The following CBLN2 variants were observed in gnomAD, a reference collection of about 807,000 sequenced individuals.
CBLN2 encodes the protein cerebellin-2.
In CBLN2, 7 loss-of-function variants were observed where a neutral mutation model predicts 15.0. The observed-to-expected ratio is 0.47, with a 90% CI of 0.27 to 0.88. The LOEUF is 0.88. Among genes scored for constraint, CBLN2 ranks in the 40% least tolerant of loss-of-function variants. CBLN2 has a pLI of 0.14. For synonymous variants in CBLN2, 149 were observed against 135.2 expected, an observed-to-expected ratio of 1.10 and a Z score of -0.71; for missense variants, 242 against 304.5, an observed-to-expected ratio of 0.79 and a Z score of 1.53.
At chr18:72,590,221 C>T (rs574992856) in intron 1 of CBLN2, among the ~76,000 whole-genome samples, 17 of 151,004 alleles carry the variant, frequency 1.1e-4, no homozygotes, top group South Asian at 2.1e-4. Flanking sequence ...GCTGAGATGG[C>T]GCCACTGCAC....
chr18:72,621,922 A>G (rs918494336), intron 1 of CBLN2, among the ~76,000 whole-genome samples: 1 of 152,214 alleles, frequency 6.6e-6, no homozygotes, highest in Non-Finnish European at 1.5e-5. Flanking sequence ...ATGGATTCAT[A>G]TTCATGAGAC....
At chr18:72,564,500 T>C (rs371859855) in intron 1 of CBLN2, among the ~76,000 whole-genome samples, 1 of 152,106 alleles carries the variant, frequency 6.6e-6, no homozygotes. Context: ...AATAACCTAG[T>C]CAGATAGTCA....
At chr18:72,568,638 T>C (rs1221145964) in intron 1 of CBLN2, among the ~76,000 whole-genome samples, 1 of 152,192 alleles carries the variant, frequency 6.6e-6, no homozygotes, top group Non-Finnish European at 1.5e-5. Flanking sequence ...TTTCTTATTA[T>C]TGCACTATTA....
intron 1 of CBLN2, among the ~76,000 whole-genome samples, chr18:72,564,457 T>C (rs1236305422): frequency 6.6e-6 from 1 of 152,090 alleles, no homozygotes; most frequent in Non-Finnish European, 1.5e-5. Context: ...AAGAAAGAAT[T>C]TCTGATTTTG....
intron 1 of CBLN2, among the ~76,000 whole-genome samples, chr18:72,625,453 A>T (rs1057225596): frequency 6.6e-6 from 1 of 151,630 alleles, no homozygotes; most frequent in African/African-American, 2.4e-5. Context: ...GATTTTTAAA[A>T]TTTTATCTCT....
rs116087823 is a variant in CBLN2 at position 72,599,266 on chromosome 18, G to A, written c.15+39059C>T. On this transcript the variant is annotated intron_variant, in intron 1 of 2. Coordinates refer to the CBLN2 transcript ENST00000581073. ...AGTACATTCTTTACAAATTTAGTCC[G>A]TAAAGTTTGTTACTTTATAATTAAA... 4.5e-3 allele frequency among the ~76,000 whole-genome samples: 688 copies of A among 152,024 alleles called. 4 individuals are homozygous for A. The highest frequency in any genetic ancestry group is 0.016 in the African/African-American group (661 of 41,480).
intron 3 of CBLN2, among the ~76,000 whole-genome samples, chr18:72,541,058 C>G (rs1458820715): frequency 6.6e-6 from 1 of 152,170 alleles, no homozygotes; most frequent in Admixed American, 6.5e-5. Context: ...TTTAGAAAGG[C>G]CTGATCATAT....
At chr18:72,545,332 G>C (rs1433613305), upstream of CBLN2, among the ~76,000 whole-genome samples, 1 of 152,174 alleles carries the variant, frequency 6.6e-6, no homozygotes, top group Non-Finnish European at 1.5e-5. Flanking sequence ...GTGATTAAAA[G>C]TACCTCTGAG....
Position 72,554,667 on chromosome 18 carries a change from A to G in CBLN2, c.16-15895T>C, listed in dbSNP as rs571980718. ...AATTGAATGCCTGCAAAGAAAAAAA[A>G]AACTAAAAACTCAGTGACAAAAAGT... On this transcript the variant is annotated intron_variant, in intron 1 of 2. Coordinates refer to the CBLN2 transcript ENST00000581073. Among the ~76,000 whole-genome samples the G allele has an allele frequency of 9.8e-5, 15 of 152,286 alleles. 1 individual carries two copies. The South Asian group carries it at 1.2e-3, about 13-fold the overall frequency.
At chr18:72,617,188 G>C (rs927543627) in intron 1 of CBLN2, among the ~76,000 whole-genome samples, 1 of 152,136 alleles carries the variant, frequency 6.6e-6, no homozygotes, top group South Asian at 2.1e-4. Flanking sequence ...TTTGGCAAGA[G>C]AGATTAGTAT....
At chr18:72,563,226 A>C (rs2144896228) in intron 1 of CBLN2, among the ~76,000 whole-genome samples, 1 of 152,364 alleles carries the variant, frequency 6.6e-6, no homozygotes, top group East Asian at 1.9e-4. Flanking sequence ...CAATAAACTC[A>C]GATTATGTTT....
chr18:72,555,156 C>T (rs962595816), intron 1 of CBLN2, among the ~76,000 whole-genome samples: 1 of 148,462 alleles, frequency 6.7e-6, no homozygotes, highest in Non-Finnish European at 1.5e-5. Flanking sequence ...AAGAAAAACA[C>T]AGAGAGAGAG....
intron 1 of CBLN2, among the ~76,000 whole-genome samples, chr18:72,581,221 C>G (rs943971662): frequency 6.6e-6 from 1 of 152,116 alleles, no homozygotes; most frequent in Non-Finnish European, 1.5e-5. Flanking sequence ...ACTTTTTTAA[C>G]GTGTGTCAGA....
Position 72,538,057 on chromosome 18 carries a change from T to C in CBLN2, c.*119A>G, listed in dbSNP as rs978311837. On this transcript the variant is annotated 3_prime_UTR_variant, in exon 5 of 5. Transcript: ENST00000269503. The stretch of plus-strand genomic sequence containing the variant: ...GTTTCAAAGGAAATCATTCTTCTAC[T>C]GCAACAGTCTGACGGAGGTTGGAAA... 2 of 975,714 alleles carry C rather than the reference T, an allele frequency of 2.0e-6. No individual in the cohort carries two copies. Among genetic ancestry groups the C allele is most frequent in the Non-Finnish European group, 1.6e-6 (1 of 638,662 alleles). The allele number at this position is 975,714 out of a possible 1,614,324, so 60.4% of individuals were successfully genotyped here.
At chr18:72,598,857 C>T (rs1031567859) in intron 1 of CBLN2, among the ~76,000 whole-genome samples, 1 of 152,146 alleles carries the variant, frequency 6.6e-6, no homozygotes, top group Non-Finnish European at 1.5e-5. Flanking sequence ...GTGCAAAGTC[C>T]CAAAATTGCT....
intron 3 of CBLN2, 31 bp downstream of exon 3, chr18:72,541,773 T>A (rs1183461901): frequency 1.3e-6 from 2 of 1,497,546 alleles, no homozygotes; most frequent in Non-Finnish European, 1.8e-6. Context: ...CTCCCCGGGC[T>A]GGGGGCGGGG....
chr18:72,541,789 A>C lies in CBLN2; in HGVS notation c.357+15T>G, dbSNP rs1396159723. 3 of 1,514,174 alleles carry C rather than the reference A, an allele frequency of 2.0e-6. No individual in the cohort carries two copies. Among genetic ancestry groups the C allele is most frequent in the Admixed American group, 3.9e-5 (2 of 51,856 alleles). 93.8% of individuals were successfully genotyped at this position (1,514,174 alleles called of 1,614,324 possible). ...TCCCCGGGCTGGGGGCGGGGTGGGCAGGCCGACGGCTGACCTGGTCGAAAT... is the reference window on the plus strand; with the variant it reads ...TCCCCGGGCTGGGGGCGGGGTGGGCCGGCCGACGGCTGACCTGGTCGAAAT... On this transcript the variant is annotated intron_variant, in intron 3 of 4. Coordinates refer to ENST00000269503, the MANE Select transcript of CBLN2 (RefSeq NM_182511.4).
At chr18:72,584,537 C>T (rs2069429578) in intron 1 of CBLN2, among the ~76,000 whole-genome samples, 2 of 152,024 alleles carry the variant, frequency 1.3e-5, no homozygotes, top group Admixed American at 6.5e-5. Context: ...CTTTTGACCT[C>T]ATGATCCACC....
chr18:72,580,681 G>A (rs145165834), intron 1 of CBLN2, among the ~76,000 whole-genome samples: 3 of 152,174 alleles, frequency 2.0e-5, no homozygotes, highest in African/African-American at 7.2e-5. Context: ...TATATGTCAT[G>A]CATTTCAAAG....
Sources: allele counts gnomAD v4.1 joint callset (sites outside exome capture counted in the v4.1 genomes callset), GRCh38; gene constraint gnomAD v4.1.1; transcripts MANE v1.5; gene names NCBI Gene and HGNC (gene_info 2026-07-23, HGNC 2026-07-21).